Variants in PRKAR1A observed in about 807,000 individuals in gnomAD.
PRKAR1A encodes the protein protein kinase cAMP-dependent type I regulatory subunit alpha.
A neutral mutation model predicts 52.0 loss-of-function variants in PRKAR1A; 3 were observed. That is an observed-to-expected ratio of 0.06 (90% confidence interval 0.03 to 0.15). The LOEUF is 0.15. Ranked by LOEUF, PRKAR1A falls within the 10% of genes least tolerant of loss-of-function variation. The pLI is 1.00. For missense variants in PRKAR1A, 240 were observed against 477.4 expected, an observed-to-expected ratio of 0.50 and a Z score of 4.63; for synonymous variants, 188 against 168.4, an observed-to-expected ratio of 1.12 and a Z score of -0.90.
chr17:68,470,950 T>G, the PRKAR1A span, among the ~76,000 whole-genome samples: 1 of 152,208 alleles, frequency 6.6e-6, no homozygotes, highest in Non-Finnish European at 1.5e-5. Context: ...GACCATCAAA[T>G]TCTAGATTAC....
At chr17:68,515,077 A>G (rs1324589983) in intron 1 of PRKAR1A, 2 of 357,414 alleles carry the variant, frequency 5.6e-6, no homozygotes, top group East Asian at 6.2e-5. Flanking sequence ...GAACTGAATG[A>G]AATTCCCTTA....
the PRKAR1A span, among the ~76,000 whole-genome samples, chr17:68,480,601 G>A: frequency 2.8e-4 from 43 of 152,282 alleles, no homozygotes; most frequent in East Asian, 7.5e-3. Context: ...AGACTGGAGT[G>A]CAGTGGTGCA....
At chr17:68,515,980 C>A (rs1449721884) in intron 2 of PRKAR1A, among the ~76,000 whole-genome samples, 1 of 152,014 alleles carries the variant, frequency 6.6e-6, no homozygotes, top group Non-Finnish European at 1.5e-5. Flanking sequence ...AAATCTTATC[C>A]CACTTTTAAA....
chr17:68,432,537 C>T, the PRKAR1A span, among the ~76,000 whole-genome samples: 12 of 152,120 alleles, frequency 7.9e-5, no homozygotes, highest in South Asian at 1.0e-3. Context: ...TCATGAGGTC[C>T]GCATGTGTCA....
At chr17:68,421,320 C>A in the PRKAR1A span, 1 of 159,246 alleles carries the variant, frequency 6.3e-6, no homozygotes, top group African/African-American at 2.4e-5. Context: ...CAAAATGGGA[C>A]TCCCAAGTAA....
rs537397943 is a variant in PRKAR1A, at chr17:68,540,876, C to T, written c.974-10208C>T. The stretch of plus-strand genomic sequence containing the variant: ...ATCAAGAAGTCGAAGATGGCCATGT[C>T]GATGACATTGAGGAGCCGCTGGCTG... On this transcript the variant is annotated intron_variant, in intron 11 of 11. Coordinates refer to the PRKAR1A transcript ENST00000585981. 2.7e-5 allele frequency: 43 copies of T among 1,604,072 alleles called. No homozygotes were observed. The highest frequency in any genetic ancestry group is 2.3e-4 in the African/African-American group (17 of 74,808).
Position 68,531,645 on chromosome 17 carries a change from T to C in PRKAR1A, c.*1196T>C. ...GTGTCTGTGTTGCTTCAAATTGGTC[T>C]GAAAGGCTATCCTGCTGAAAGTCCT... On this transcript the variant is annotated 3_prime_UTR_variant, in exon 11 of 11. Coordinates refer to ENST00000589228, the MANE Select transcript of PRKAR1A (RefSeq NM_002734.5). 9.4e-7 allele frequency: 1 copy of C among 1,066,444 alleles called. No individual in the cohort carries two copies. Among genetic ancestry groups the C allele is most frequent in the Non-Finnish European group, 1.1e-6 (1 of 879,670 alleles). The allele number at this position is 1,066,444 out of a possible 1,614,324, so 66.1% of individuals were successfully genotyped here. A position where few individuals can be genotyped will look rare whatever the true frequency, so the allele number is the denominator to read the frequency against.
At chr17:68,426,251 G>GGGGGGGC in the PRKAR1A span, 1 of 825,460 alleles carries the variant, frequency 1.2e-6, no homozygotes, top group Non-Finnish European at 1.9e-6. Context: ...GTGGGGAGCG[G>GGGGGGGC]GGGCTCAAAT....
In PRKAR1A at chr17:68,522,198, C is replaced by T. The variant is rs1194278041; in HGVS notation, c.178-558C>T. ...AATTCCACAGGCTCAGGACCCTCTC[C>T]TATTTGTTTTTAATTTCCTGTTGCC... On this transcript the variant is annotated intron_variant, in intron 2 of 10. Coordinates refer to ENST00000589228, the MANE Select transcript of PRKAR1A (RefSeq NM_002734.5). Among the ~76,000 whole-genome samples the T allele has an allele frequency of 2.0e-5, 3 of 152,150 alleles. No individual in the cohort carries two copies. The East Asian group carries it at 5.8e-4, about 29-fold the overall frequency.
At chr17:68,457,498 G>GGCCGGGTC in the PRKAR1A span, 5 of 1,263,484 alleles carry the variant, frequency 4.0e-6, no homozygotes, top group African/African-American at 8.4e-5. Flanking sequence ...CGGCTCCACG[G>GGCCGGGTC]GCCGGGTCGC....
chr17:68,454,378 A>T, the PRKAR1A span, among the ~76,000 whole-genome samples: 4 of 152,232 alleles, frequency 2.6e-5, no homozygotes, highest in African/African-American at 9.6e-5. Flanking sequence ...TTGTTTCACT[A>T]GCCTAAAAAA....
chr17:68,537,115 G>A (rs1232448127), downstream of PRKAR1A: 1 of 475,594 alleles, frequency 2.1e-6, no homozygotes, highest in Non-Finnish European at 4.1e-6. This position sits in a 1 kb window ranked among gnomAD's most constrained non-coding sequence, Gnocchi z 4.2. Context: ...ATCCTGAGAA[G>A]TCAGGTATCC....
upstream of PRKAR1A, among the ~76,000 whole-genome samples, chr17:68,507,977 T>C (rs1478582226): frequency 6.6e-6 from 1 of 152,196 alleles, no homozygotes; most frequent in East Asian, 1.9e-4. Context: ...ATTTTTTTTT[T>C]GTACATGCGA....
the PRKAR1A span, among the ~76,000 whole-genome samples, chr17:68,480,400 C>A: frequency 6.6e-6 from 1 of 152,038 alleles, no homozygotes; most frequent in African/African-American, 2.4e-5. Flanking sequence ...ATCATTATCC[C>A]GGGACATTTT....
At chr17:68,450,976 G>A in the PRKAR1A span, 21 of 1,516,414 alleles carry the variant, frequency 1.4e-5, no homozygotes, top group Admixed American at 2.3e-5. Flanking sequence ...CACTGGGCCC[G>A]GCGCAGGCCA....
upstream of PRKAR1A, among the ~76,000 whole-genome samples, chr17:68,508,816 A>G (rs558384661): frequency 5.3e-5 from 8 of 152,342 alleles, no homozygotes; most frequent in African/African-American, 1.9e-4. Context: ...AATGCTCAAG[A>G]TAAACACCCC....
At chr17:68,441,372 AGTCAAAATGCATT>A in the PRKAR1A span, among the ~76,000 whole-genome samples, 1 of 152,258 alleles carries the variant, frequency 6.6e-6, no homozygotes, top group Non-Finnish European at 1.5e-5. Context: ...TAGTTTATGA[AGTCAAAATGCATT>A]CAGGATTTGT....
intron 6 of PRKAR1A, 105 bp downstream of exon 6, chr17:68,525,063 A>T: frequency 1.1e-6 from 1 of 908,144 alleles, no homozygotes; most frequent in Non-Finnish European, 1.8e-6. Context: ...CATCCCTTGT[A>T]TGTCAGATTT....
the PRKAR1A span, among the ~76,000 whole-genome samples, chr17:68,438,023 AGTATAAG>A: frequency 6.7e-6 from 1 of 149,502 alleles, no homozygotes; most frequent in Non-Finnish European, 1.5e-5. Context: ...TTCTTCTAAA[AGTATAAG>A]AAAAAACTTT....
Sources: gnomAD v4.1 joint callset for allele counts (sites outside exome capture counted in the v4.1 genomes callset) on GRCh38, gnomAD v4.1.1 for gene constraint, Gnocchi (gnomAD v3.1) non-coding constraint, MANE v1.5 for transcripts, NCBI Gene and HGNC (gene_info 2026-07-23, HGNC 2026-07-21) for gene names.